Variants in LRRC38 observed in about 807,000 individuals in gnomAD.
LRRC38 encodes the protein leucine rich repeat containing 38, also known as leucine-rich repeat-containing protein 38.
In LRRC38, 5 loss-of-function variants were observed where a neutral mutation model predicts 16.4. That is an observed-to-expected ratio of 0.31 (90% CI 0.16 to 0.64). The LOEUF (loss-of-function observed/expected upper bound fraction) is 0.64, where lower values mean the gene tolerates loss of function less well. Among genes scored for constraint, LRRC38 ranks in the 30% least tolerant of loss-of-function variants. LRRC38 has a pLI of 0.80. For missense variants in LRRC38, 341 were observed against 401.8 expected, an observed-to-expected ratio of 0.85 and a Z score of 1.29; for synonymous variants, 191 against 190.2, an observed-to-expected ratio of 1.00 and a Z score of -0.04.
intron 1 of LRRC38, among the ~76,000 whole-genome samples, chr1:13,508,811 G>T (rs1486785924): frequency 6.6e-6 from 1 of 152,216 alleles, no homozygotes. Context: ...TATGTTGTCA[G>T]TATAACAAGA....
chr1:13,494,976 G>A (rs1639064960), intron 1 of LRRC38, among the ~76,000 whole-genome samples: 1 of 152,152 alleles, frequency 6.6e-6, no homozygotes, highest in Admixed American at 6.6e-5. Context: ...GTCACCTTTG[G>A]TTTAGCCCCT....
intron 1 of LRRC38, among the ~76,000 whole-genome samples, chr1:13,497,684 T>C (rs1319884337): frequency 1.3e-5 from 2 of 151,614 alleles, no homozygotes; most frequent in East Asian, 3.9e-4. Flanking sequence ...CACGCTGAAA[T>C]GACATTTTGG....
intron 1 of LRRC38, among the ~76,000 whole-genome samples, chr1:13,512,127 C>T (rs1569943065): frequency 6.6e-6 from 1 of 152,254 alleles, no homozygotes; most frequent in Admixed American, 6.5e-5. Flanking sequence ...AGGCTGGAAT[C>T]CACTTGGGGG....
rs3013106 is a variant in LRRC38, at chr1:13,475,969, G to C, written c.762C>G (p.Ser254=). The C allele has an allele frequency of 6.5e-7, 1 of 1,550,246 alleles. No homozygotes were observed. The change falls in exon 2 of 2, where the codon TCC becomes TCG. Residue 254 remains serine (S), a synonymous_variant. Transcript: ENST00000376085. This position sits in a 1 kb window ranked among gnomAD's most constrained non-coding sequence, Gnocchi z 4.3. ...SLTDLCIIIF[S]GVAVSIAAII... ...TGGCCGCAATGGACACGGCCACACC[G>C]GAGAAAATGATGATGCAGAGGTCTG...
chr1:13,496,370 A>C (rs534634562), intron 1 of LRRC38, among the ~76,000 whole-genome samples: 1 of 152,040 alleles, frequency 6.6e-6, no homozygotes, highest in East Asian at 1.9e-4. Flanking sequence ...ACAGGGTTTC[A>C]CTATGTTTCC....
intron 1 of LRRC38, among the ~76,000 whole-genome samples, chr1:13,502,376 G>A (rs1322866965): frequency 6.6e-6 from 1 of 152,006 alleles, no homozygotes; most frequent in East Asian, 1.9e-4. Flanking sequence ...CTGACCTCGG[G>A]GCTCCCATAC....
At chr1:13,509,885 C>A (rs1201203656) in intron 1 of LRRC38, among the ~76,000 whole-genome samples, 1 of 152,096 alleles carries the variant, frequency 6.6e-6, no homozygotes, top group African/African-American at 2.4e-5. Flanking sequence ...CACAGGAATC[C>A]CCTGGAGGTG....
chr1:13,500,582 G>A (rs1037757032), intron 1 of LRRC38, among the ~76,000 whole-genome samples: 2 of 152,194 alleles, frequency 1.3e-5, no homozygotes, highest in African/African-American at 2.4e-5. Context: ...TTTCCGGACC[G>A]AACCAAGGTA....
At chr1:13,497,080 G>A (rs1346076909) in intron 1 of LRRC38, among the ~76,000 whole-genome samples, 9 of 152,270 alleles carry the variant, frequency 5.9e-5, no homozygotes, top group Non-Finnish European at 7.4e-5. Context: ...GAAGGGAGAA[G>A]AGCAAGAAAT....
chr1:13,502,935 C>G (rs1349681556), intron 1 of LRRC38, among the ~76,000 whole-genome samples: 2 of 152,176 alleles, frequency 1.3e-5, no homozygotes, highest in Non-Finnish European at 2.9e-5. Context: ...TACGAAAAAG[C>G]AATGCTATTC....
At chr1:13,506,009 CCT>C (rs1274988952) in intron 1 of LRRC38, among the ~76,000 whole-genome samples, 2 of 151,998 alleles carry the variant, frequency 1.3e-5, no homozygotes, top group Non-Finnish European at 2.9e-5. Flanking sequence ...CCAAATATGC[CCT>C]GTGTTGTACG....
chr1:13,504,357 C>G lies in LRRC38; in HGVS notation c.631+8606G>C, dbSNP rs1569936017. Among the ~76,000 whole-genome samples, 2 of 152,198 alleles carry G rather than the reference C, an allele frequency of 1.3e-5. 1 individual carries two copies. The highest frequency in any genetic ancestry group is 4.2e-4 in the South Asian group (2 of 4,816). ...AGCCCTGCCCCAGACCCATGGTAACCACGGTACATATTTTCTGCCACACAG... is the reference window on the plus strand; with the variant it reads ...AGCCCTGCCCCAGACCCATGGTAACGACGGTACATATTTTCTGCCACACAG... On this transcript the variant is annotated intron_variant, in intron 1 of 1. Coordinates refer to ENST00000376085, the MANE Select transcript of LRRC38 (RefSeq NM_001010847.2).
chr1:13,498,563 G>A (rs1438076226), intron 1 of LRRC38, among the ~76,000 whole-genome samples: 5 of 152,112 alleles, frequency 3.3e-5, no homozygotes, highest in Non-Finnish European at 5.9e-5. Context: ...CCTGGGAGGC[G>A]GAGGTTGCAG....
At chr1:13,503,459 G>A (rs1366897695) in intron 1 of LRRC38, among the ~76,000 whole-genome samples, 4 of 152,106 alleles carry the variant, frequency 2.6e-5, no homozygotes, top group African/African-American at 9.7e-5. Context: ...AGTAGAGACG[G>A]GGTTTCACCA....
chr1:13,513,144 GGTCTCGAAGGC>G lies in LRRC38; in HGVS notation c.439_449del (p.Ala147ProfsTer43). ...GCTCCAGCACCTGCAGCGACTCCAG[GGTCTCGAAGGC>G]GTCCTCGTGCACGCCCACCAGGTTG... is the stretch of plus-strand genomic sequence containing the variant. On this transcript the variant is annotated frameshift_variant, in exon 1 of 2. Coordinates refer to ENST00000376085, the MANE Select transcript of LRRC38 (RefSeq NM_001010847.2). LOFTEE classifies it high-confidence loss of function. 1 of 1,550,470 alleles carries G rather than the reference GGTCTCGAAGGC, an allele frequency of 6.4e-7. No homozygotes were observed.
chr1:13,503,045 AT>A (rs1023566644), intron 1 of LRRC38, among the ~76,000 whole-genome samples: 4 of 152,148 alleles, frequency 2.6e-5, no homozygotes, highest in Admixed American at 6.5e-5. Context: ...GTGGTGGGAC[AT>A]TTGCCACAGG....
At chr1:13,507,903 C>T (rs972178297) in intron 1 of LRRC38, among the ~76,000 whole-genome samples, 1 of 151,844 alleles carries the variant, frequency 6.6e-6, no homozygotes, top group African/African-American at 2.4e-5. Context: ...TGGTGCCAGG[C>T]AGCTGGCACC....
intron 1 of LRRC38, among the ~76,000 whole-genome samples, chr1:13,481,846 A>T (rs1026965217): frequency 6.6e-6 from 1 of 151,064 alleles, no homozygotes; most frequent in African/African-American, 2.4e-5. Flanking sequence ...GGACCCAGAA[A>T]GAAGGCGACC....
intron 1 of LRRC38, among the ~76,000 whole-genome samples, chr1:13,498,153 G>A (rs866678689): frequency 3.3e-5 from 5 of 151,692 alleles, no homozygotes; most frequent in Non-Finnish European, 7.4e-5. Flanking sequence ...GCCTGGAATC[G>A]AGCAGATAAT....
Sources: gnomAD v4.1 joint callset for allele counts (sites outside exome capture counted in the v4.1 genomes callset) on GRCh38, gnomAD v4.1.1 for gene constraint, Gnocchi (gnomAD v3.1) non-coding constraint, MANE v1.5 for transcripts, NCBI Gene and HGNC (gene_info 2026-07-23, HGNC 2026-07-21) for gene names.